ARHGAP8: variants seen among roughly 807,000 people sequenced by gnomAD.
ARHGAP8 encodes Rho GTPase activating protein 8.
A neutral mutation model predicts 46.1 loss-of-function variants in ARHGAP8; 62 were observed. That is an observed-to-expected ratio of 1.34 (90% confidence interval 1.10 to 1.66). The LOEUF is 1.66. Among genes scored for constraint, ARHGAP8 ranks in the 40% most tolerant of loss-of-function variants. The pLI is 0.00. For missense variants in ARHGAP8, 923 were observed against 568.4 expected, an observed-to-expected ratio of 1.62 and a Z score of -6.34; for synonymous variants, 375 against 243.1, an observed-to-expected ratio of 1.54 and a Z score of -5.05.
chr22:44,832,710 C>A (rs775911049), intron 7 of ARHGAP8, among the ~76,000 whole-genome samples: 2 of 152,040 alleles, frequency 1.3e-5, no homozygotes, highest in African/African-American at 2.4e-5. Flanking sequence ...ATAGAGATGG[C>A]TTTACTTCTT....
At chr22:44,753,577 A>G (rs1924424155) in intron 1 of ARHGAP8, among the ~76,000 whole-genome samples, 1 of 123,044 alleles carries the variant, frequency 8.1e-6, no homozygotes, top group East Asian at 2.8e-4. Context: ...TCAGGAAGGC[A>G]GGGAGGCCCT....
intron 1 of ARHGAP8, among the ~76,000 whole-genome samples, chr22:44,771,242 A>ATTTTTTT (rs368256843): frequency 1.0e-4 from 11 of 108,316 alleles, no homozygotes; most frequent in African/African-American, 1.4e-4. Flanking sequence ...TTGCAAGTAA[A>ATTTTTTT]TTTTTTTTTT....
intron 2 of ARHGAP8, among the ~76,000 whole-genome samples, chr22:44,794,267 G>A (rs1407561763): frequency 6.6e-6 from 1 of 152,082 alleles, no homozygotes; most frequent in African/African-American, 2.4e-5. Flanking sequence ...AACCCTTCCT[G>A]TAACCCTCCA....
intron 7 of ARHGAP8, among the ~76,000 whole-genome samples, chr22:44,828,153 C>A (rs1221946202): frequency 6.6e-6 from 1 of 152,228 alleles, no homozygotes; most frequent in Non-Finnish European, 1.5e-5. Context: ...TTTGTAAGCA[C>A]TTTGCCAATA....
In ARHGAP8 at chr22:44,842,106, C is replaced by T. The variant is rs562297548; in HGVS notation, c.597-3163C>T. On this transcript the variant is annotated intron_variant, in intron 7 of 11. Transcript: ENST00000356099. Reference sequence around the variant, plus strand: ...TAGCGCAGTGGCTCATGCCTATAATCCCAGCACTTTGGGAGGCTGGGGCGG... The same window carrying T: ...TAGCGCAGTGGCTCATGCCTATAATTCCAGCACTTTGGGAGGCTGGGGCGG... 1.1e-3 allele frequency among the ~76,000 whole-genome samples: 169 copies of T among 152,340 alleles called. 1 individual carries two copies. The highest frequency in any genetic ancestry group is 1.7e-3 in the Non-Finnish European group (119 of 68,026).
chr22:44,818,490 G>A (rs1282742645), intron 5 of ARHGAP8, among the ~76,000 whole-genome samples: 2 of 148,634 alleles, frequency 1.3e-5, no homozygotes, highest in Non-Finnish European at 2.9e-5. Context: ...TGTTTTCCAC[G>A]TGGCAGCGTG....
intron 3 of ARHGAP8, among the ~76,000 whole-genome samples, chr22:44,803,172 C>A (rs941895407): frequency 2.6e-5 from 4 of 152,160 alleles, no homozygotes; most frequent in Non-Finnish European, 5.9e-5. Flanking sequence ...CAGAAGGTGG[C>A]AGGACGTGGA....
chr22:44,836,455 T>C (rs1931293399), intron 7 of ARHGAP8, among the ~76,000 whole-genome samples: 1 of 151,880 alleles, frequency 6.6e-6, no homozygotes, highest in Non-Finnish European at 1.5e-5. Context: ...ACTCCAGACA[T>C]AATAATTTGC....
At chr22:44,859,174 A>C (rs1258283668) in intron 10 of ARHGAP8, among the ~76,000 whole-genome samples, 1 of 152,124 alleles carries the variant, frequency 6.6e-6, no homozygotes, top group Non-Finnish European at 1.5e-5. Flanking sequence ...GAGCTTGTAG[A>C]ATTCAGGTGA....
chr22:44,835,899 G>T (rs944394745), intron 7 of ARHGAP8, among the ~76,000 whole-genome samples: 2 of 149,366 alleles, frequency 1.3e-5, no homozygotes, highest in Non-Finnish European at 3.0e-5. Context: ...GCTCTTCTTC[G>T]GTCTCCTGTA....
chr22:44,840,163 T>C (rs1245252022), intron 7 of ARHGAP8, among the ~76,000 whole-genome samples: 2 of 152,182 alleles, frequency 1.3e-5, no homozygotes, highest in Non-Finnish European at 2.9e-5. Context: ...AACTGAACAG[T>C]TGCTTCTGTC....
intron 1 of ARHGAP8, among the ~76,000 whole-genome samples, chr22:44,767,760 G>C (rs1394995797): frequency 6.6e-6 from 1 of 150,568 alleles, no homozygotes; most frequent in Non-Finnish European, 1.5e-5. Context: ...GTAATCCCAG[G>C]TACTCAGGAG....
At chr22:44,777,360 C>G (rs1466798137) in intron 1 of ARHGAP8, 1 of 151,976 alleles carries the variant, frequency 6.6e-6, no homozygotes, top group Non-Finnish European at 1.5e-5. Context: ...AATCCCTGAG[C>G]TCTTCTGCTT....
intron 10 of ARHGAP8, among the ~76,000 whole-genome samples, chr22:44,858,532 G>GTTTTTTTT (rs1569184837): frequency 6.3e-4 from 8 of 12,676 alleles, no homozygotes; most frequent in Admixed American, 1.1e-3. Flanking sequence ...ACCATACCCG[G>GTTTTTTTT]CTTTTTTTTT....
At chr22:44,852,228 A>C (rs1255680037) in intron 10 of ARHGAP8, among the ~76,000 whole-genome samples, 2 of 145,416 alleles carry the variant, frequency 1.4e-5, no homozygotes, top group Non-Finnish European at 3.0e-5. Context: ...GGAAGGGAGG[A>C]AGGAAGGTGA....
chr22:44,809,245 A>C (rs773017037), intron 4 of ARHGAP8: 2 of 450,418 alleles, frequency 4.4e-6, no homozygotes, highest in South Asian at 1.6e-5. Context: ...TGTGAATTTC[A>C]TGTCATTTTC....
At chr22:44,853,775 C>G (rs2070152542) in intron 10 of ARHGAP8, among the ~76,000 whole-genome samples, 1 of 151,974 alleles carries the variant, frequency 6.6e-6, no homozygotes, top group African/African-American at 2.4e-5. Flanking sequence ...CGCCTGTAAT[C>G]CTAGCACTTT....
intron 1 of ARHGAP8, among the ~76,000 whole-genome samples, chr22:44,777,650 T>C (rs914509575): frequency 1.3e-5 from 2 of 151,902 alleles, no homozygotes; most frequent in Non-Finnish European, 2.9e-5. Flanking sequence ...ATTCTTAACT[T>C]GTATTTGAGC....
In ARHGAP8 at chr22:44,862,572, A is replaced by C. The variant is rs751246491; in HGVS notation, c.1279A>C (p.Met427Leu). 1.8e-5 allele frequency: 28 copies of C among 1,590,806 alleles called. No homozygotes were observed. The highest frequency in any genetic ancestry group is 1.7e-4 in the Middle Eastern group (1 of 5,972). The change falls in exon 12 of 12, where the codon ATG becomes CTG. Residue 427 changes from methionine to leucine, a missense_variant. By Grantham distance (15) the Met-to-Leu change is conservative. Coordinates refer to ENST00000356099, the MANE Select transcript of ARHGAP8 (RefSeq NM_181335.3). Reference sequence around the variant, plus strand: ...GCCTACCCTACCTCCGAGTCCCCTGATGGCAGCCAGAAGACGTCTCTAGTG... The same window carrying C: ...GCCTACCCTACCTCCGAGTCCCCTGCTGGCAGCCAGAAGACGTCTCTAGTG... ...TKPTLPPSPL[M>L]AARRRL is the part of the protein sequence containing the mutation.
Sources: allele counts gnomAD v4.1 joint callset (sites outside exome capture counted in the v4.1 genomes callset), GRCh38; gene constraint gnomAD v4.1.1; transcripts MANE v1.5; gene names NCBI Gene and HGNC (gene_info 2026-07-23, HGNC 2026-07-21).